PLOD2: variants seen among roughly 807,000 people sequenced by gnomAD.
PLOD2 encodes the protein procollagen-lysine,2-oxoglutarate 5-dioxygenase 2, also known as lysine hydroxylase 2.
Under a neutral mutation model 101.0 loss-of-function variants are expected in PLOD2, and 65 were observed. The observed-to-expected ratio is 0.64, with a 90% confidence interval of 0.53 to 0.79. The LOEUF (loss-of-function observed/expected upper bound fraction) is 0.79, where lower values mean the gene tolerates loss of function less well. Among genes scored for constraint, PLOD2 ranks in the 30% least tolerant of loss-of-function variants. The pLI is 0.00. For synonymous variants in PLOD2, 314 were observed against 302.9 expected, an observed-to-expected ratio of 1.04 and a Z score of -0.38; for missense variants, 909 against 914.6, an observed-to-expected ratio of 0.99 and a Z score of 0.08.
At chr3:146,077,317 G>C in intron 14 of PLOD2, 1 of 232,208 alleles carries the variant, frequency 4.3e-6, no homozygotes, top group South Asian at 1.4e-4. Flanking sequence ...TATTTCACCA[G>C]TCTGTTTCAT....
intron 7 of PLOD2, among the ~76,000 whole-genome samples, chr3:146,102,027 T>C (rs1488857884): frequency 6.6e-6 from 1 of 152,182 alleles, no homozygotes; most frequent in Non-Finnish European, 1.5e-5. Flanking sequence ...CTCACTCCTC[T>C]GGAACAGAAG....
At chr3:146,148,173 T>C (rs2108135935) in intron 1 of PLOD2, among the ~76,000 whole-genome samples, 1 of 151,984 alleles carries the variant, frequency 6.6e-6, no homozygotes, top group Middle Eastern at 3.4e-3. Flanking sequence ...AAGACATACT[T>C]GAGAAAAAGA....
intron 2 of PLOD2, among the ~76,000 whole-genome samples, chr3:146,123,542 A>G (rs2030328264): frequency 6.6e-6 from 1 of 152,092 alleles, no homozygotes; most frequent in Non-Finnish European, 1.5e-5. Context: ...CAAAAACAAA[A>G]GCAATTCTCA....
chr3:146,088,731 T>C lies in PLOD2; in HGVS notation c.880-20A>G. The C allele has an allele frequency of 6.3e-7, 1 of 1,579,950 alleles. No individual in the cohort carries two copies. The highest frequency in any genetic ancestry group is 8.7e-7 in the Non-Finnish European group (1 of 1,150,714). The stretch of plus-strand genomic sequence containing the variant: ...ATGGACCTTTGTTTTACACCAAACA[T>C]AAAAATAAAATTATCATTAGTATGG... On this transcript the variant is annotated intron_variant, in intron 8 of 19. Transcript: ENST00000282903.
intron 1 of PLOD2, among the ~76,000 whole-genome samples, chr3:146,153,895 C>T (rs948552695): frequency 2.0e-5 from 3 of 150,878 alleles, no homozygotes; most frequent in Admixed American, 1.3e-4. Flanking sequence ...TCTCACCTAC[C>T]GTTTGGAAGG....
chr3:146,134,436 G>A (rs1201124055), intron 1 of PLOD2, among the ~76,000 whole-genome samples: 7 of 151,992 alleles, frequency 4.6e-5, no homozygotes, highest in South Asian at 4.1e-4. Flanking sequence ...CAAATAGAGC[G>A]GACTTTAATC....
intron 10 of PLOD2, 185 bp from the exon 11 acceptor site, chr3:146,085,458 C>A: frequency 1.7e-6 from 1 of 577,934 alleles, no homozygotes; most frequent in Non-Finnish European, 3.1e-6. Flanking sequence ...GTCAATTTAA[C>A]ACGGATATTC....
At chr3:146,121,945 C>T (rs150347845) in intron 2 of PLOD2, among the ~76,000 whole-genome samples, 146 of 152,228 alleles carry the variant, frequency 9.6e-4, no homozygotes, top group African/African-American at 3.3e-3. Flanking sequence ...GTGCAATACA[C>T]GTCCCTTCCC....
chr3:146,098,706 TCAC>T (rs1937284891), intron 7 of PLOD2, among the ~76,000 whole-genome samples: 2 of 152,208 alleles, frequency 1.3e-5, no homozygotes, highest in African/African-American at 2.4e-5. Flanking sequence ...TATAATCACT[TCAC>T]CACTTATAGA....
At chr3:146,149,822 T>C (rs2031973375) in intron 1 of PLOD2, among the ~76,000 whole-genome samples, 1 of 151,680 alleles carries the variant, frequency 6.6e-6, no homozygotes, top group Non-Finnish European at 1.5e-5. Context: ...TATAAGTAAC[T>C]ATATATGTTT....
At chr3:146,079,713 G>A (rs1019608138) in intron 12 of PLOD2, among the ~76,000 whole-genome samples, 6 of 151,908 alleles carry the variant, frequency 3.9e-5, no homozygotes, top group Non-Finnish European at 8.8e-5. Context: ...TTGGAAACTT[G>A]AAATCAGCCA....
At position 146,101,400 on chromosome 3, in the gene PLOD2, T is replaced by C. The variant is rs142673077; in HGVS notation, c.777+1355A>G. 4.0e-3 allele frequency among the ~76,000 whole-genome samples: 611 copies of C among 152,010 alleles called. 4 individuals carry two copies. The highest frequency in any genetic ancestry group is 0.014 in the African/African-American group (585 of 41,466). Reference sequence around the variant, plus strand: ...TAAATATTTTGAAGAACCATAGAGATTGAAGAGGAAAGCCCAGAAAATAAA... The same window carrying C: ...TAAATATTTTGAAGAACCATAGAGACTGAAGAGGAAAGCCCAGAAAATAAA... On this transcript the variant is annotated intron_variant, in intron 7 of 19. Coordinates refer to ENST00000282903, the MANE Select transcript of PLOD2 (RefSeq NM_182943.3).
intron 10 of PLOD2, chr3:146,085,669 G>C (rs1019288089): frequency 3.9e-5 from 8 of 205,854 alleles, no homozygotes; most frequent in Non-Finnish European, 6.7e-5. Flanking sequence ...GACTTTTCAG[G>C]TATTAATATT....
chr3:146,123,326 C>T, intron 2 of PLOD2: 5 of 1,112,754 alleles, frequency 4.5e-6, no homozygotes, highest in Non-Finnish European at 5.7e-6. Context: ...ATCCTTCTTT[C>T]TATTAAAAAA....
chr3:146,123,405 T>C, intron 2 of PLOD2: 1 of 309,994 alleles, frequency 3.2e-6, no homozygotes. Context: ...TTTCCCCAAG[T>C]TTCCTCTGAT....
chr3:146,071,463 G>A lies in PLOD2; in HGVS notation c.1849-40C>T, dbSNP rs201110804. 194 of 1,574,940 alleles carry A rather than the reference G, an allele frequency of 1.2e-4. 1 individual carries two copies. The highest frequency in any genetic ancestry group is 7.2e-4 in the East Asian group (32 of 44,562). On this transcript the variant is annotated intron_variant, in intron 17 of 19. Transcript: ENST00000282903. Reference sequence around the variant, plus strand: ...AATGACATAATAAGCTGTACTCCACGTGCAATTCCCATTTATATTATAGTA... The same window carrying A: ...AATGACATAATAAGCTGTACTCCACATGCAATTCCCATTTATATTATAGTA...
chr3:146,081,206 C>A (rs1426740607), intron 12 of PLOD2, among the ~76,000 whole-genome samples: 3 of 152,032 alleles, frequency 2.0e-5, no homozygotes, highest in Non-Finnish European at 4.4e-5. Context: ...CACTTTTCAG[C>A]AAATATATTC....
chr3:146,085,440 T>A (rs1936731913), intron 10 of PLOD2, 167 bp from the exon 11 acceptor site: 1 of 596,416 alleles, frequency 1.7e-6, no homozygotes, highest in East Asian at 2.9e-5. Flanking sequence ...GTCTTAAATT[T>A]CAAAATGGTC....
intron 3 of PLOD2, among the ~76,000 whole-genome samples, chr3:146,117,291 A>C (rs1400348003): frequency 6.6e-6 from 1 of 152,170 alleles, no homozygotes; most frequent in Non-Finnish European, 1.5e-5. Flanking sequence ...CTTTATTAAA[A>C]TGAACATATC....
Sources: gnomAD v4.1 joint callset for allele counts (sites outside exome capture counted in the v4.1 genomes callset) on GRCh38, gnomAD v4.1.1 for gene constraint, MANE v1.5 for transcripts, NCBI Gene and HGNC (gene_info 2026-07-23, HGNC 2026-07-21) for gene names.